The following TTC28 variants were observed in gnomAD, a reference collection of about 807,000 sequenced individuals.
TTC28 encodes the protein tetratricopeptide repeat protein 28.
In TTC28, 61 loss-of-function variants were observed where a neutral mutation model predicts 198.0. That is an observed-to-expected ratio of 0.31 (90% CI 0.25 to 0.38). The LOEUF (loss-of-function observed/expected upper bound fraction) is 0.38, where lower values mean the gene tolerates loss of function less well. Ranked by LOEUF, TTC28 falls within the 10% of genes least tolerant of loss-of-function variation. The pLI, the probability that TTC28 is intolerant of heterozygous loss-of-function variation, is 1.00. For missense variants in TTC28, 2,678 were observed against 3,164.0 expected (o/e 0.85, Z 3.69); for synonymous variants, 1,171 against 1,297.8 (o/e 0.90, Z 2.10).
intron 5 of TTC28, among the ~76,000 whole-genome samples, chr22:28,262,693 A>G (rs1234294896): frequency 6.6e-6 from 1 of 152,170 alleles, no homozygotes; most frequent in Non-Finnish European, 1.5e-5. Context: ...TAGGAGTAGG[A>G]TTGCTATTTG....
intron 2 of TTC28, among the ~76,000 whole-genome samples, chr22:28,345,235 C>A (rs542067153): frequency 6.6e-6 from 1 of 152,076 alleles, no homozygotes; most frequent in Admixed American, 6.6e-5. Context: ...TTTGGAACCA[C>A]AAAGGAATAT....
intron 2 of TTC28, among the ~76,000 whole-genome samples, chr22:28,527,086 G>C (rs2049017372): frequency 6.6e-6 from 1 of 152,030 alleles, no homozygotes; most frequent in Non-Finnish European, 1.5e-5. Context: ...TGTTGCACAG[G>C]GAATCAGTAG....
intron 15 of TTC28, 179 bp downstream of exon 15, chr22:28,001,195 T>C (rs2146547889): frequency 1.4e-6 from 1 of 723,758 alleles, no homozygotes; most frequent in East Asian, 2.8e-5. Context: ...ATGAGGGCCG[T>C]GCCCCACTTT....
At chr22:28,120,623 A>C (rs1043883989) in intron 6 of TTC28, among the ~76,000 whole-genome samples, 1 of 152,222 alleles carries the variant, frequency 6.6e-6, no homozygotes, top group Non-Finnish European at 1.5e-5. Flanking sequence ...TCATGCCTTC[A>C]GCCCAGGGAG....
chr22:28,608,862 T>A (rs2050775396), intron 2 of TTC28, among the ~76,000 whole-genome samples: 1 of 152,154 alleles, frequency 6.6e-6, no homozygotes, highest in African/African-American at 2.4e-5. Context: ...AATAGAGATT[T>A]TAAAGAGTTA....
intron 12 of TTC28, among the ~76,000 whole-genome samples, chr22:28,055,991 T>G (rs1940271768): frequency 6.6e-6 from 1 of 152,160 alleles, no homozygotes; most frequent in Admixed American, 6.6e-5. Flanking sequence ...TCTTTCTTAT[T>G]TTTCCATGAC....
chr22:28,282,462 A>G (rs988457613), intron 5 of TTC28, among the ~76,000 whole-genome samples: 6 of 152,330 alleles, frequency 3.9e-5, no homozygotes, highest in African/African-American at 1.4e-4. Context: ...GAATATGGCC[A>G]CTACTAGCCA....
At chr22:28,392,770 A>G (rs888258898) in intron 2 of TTC28, among the ~76,000 whole-genome samples, 7 of 150,378 alleles carry the variant, frequency 4.7e-5, no homozygotes, top group Admixed American at 2.6e-4. Flanking sequence ...TGAACCCGGT[A>G]CCTCAGATGG....
intron 6 of TTC28, among the ~76,000 whole-genome samples, chr22:28,124,853 T>G (rs907088436): frequency 6.6e-6 from 1 of 152,268 alleles, no homozygotes; most frequent in Non-Finnish European, 1.5e-5. Flanking sequence ...TAGAGGTAAT[T>G]TTTTAGGACA....
At chr22:28,442,025 C>T (rs6005783) in intron 2 of TTC28, among the ~76,000 whole-genome samples, 6,156 of 152,194 alleles carry the variant, frequency 0.04, 149 homozygotes, top group African/African-American at 0.058. Context: ...AGCTGTCTTT[C>T]TCCCTCGACG....
intron 6 of TTC28, among the ~76,000 whole-genome samples, chr22:28,132,732 G>A (rs571927412): frequency 1.3e-3 from 205 of 152,202 alleles, no homozygotes; most frequent in African/African-American, 4.6e-3. Flanking sequence ...CAGCAAATAC[G>A]ACTGTACCAA....
At chr22:28,605,969 A>C (rs1263141850) in intron 2 of TTC28, among the ~76,000 whole-genome samples, 11 of 152,216 alleles carry the variant, frequency 7.2e-5, no homozygotes, top group Admixed American at 7.2e-4. Context: ...CCAAAAAAGA[A>C]ATACAAATTT....
intron 2 of TTC28, among the ~76,000 whole-genome samples, chr22:28,501,908 G>A (rs767821746): frequency 6.6e-6 from 1 of 152,122 alleles, no homozygotes; most frequent in African/African-American, 2.4e-5. Flanking sequence ...CTTTTGATGC[G>A]AAGAATTTTT....
chr22:28,145,296 C>T (rs1601381110), intron 6 of TTC28, among the ~76,000 whole-genome samples: 1 of 152,016 alleles, frequency 6.6e-6, no homozygotes, highest in African/African-American at 2.4e-5. Context: ...AACTGAGGCC[C>T]AGGAAAGTAA....
chr22:28,039,508 C>T (rs1271140447), intron 12 of TTC28, among the ~76,000 whole-genome samples: 3 of 64,752 alleles, frequency 4.6e-5, no homozygotes, highest in Non-Finnish European at 8.2e-5. Context: ...CATCACAACC[C>T]GGGGTCTGTT....
intron 1 of TTC28, among the ~76,000 whole-genome samples, chr22:28,670,412 T>C (rs1331525089): frequency 6.6e-6 from 1 of 152,130 alleles, no homozygotes; most frequent in African/African-American, 2.4e-5. Context: ...CTTAACTATT[T>C]CACATAAATA....
In TTC28 at chr22:28,569,715, C is replaced by G. The variant is rs540139992; in HGVS notation, c.381+59837G>C. ...AAAGCAAAAAATTGGCAAGTGGGACCTAATTAAACTAAGGAGCTTCTGCAC... is the reference window on the plus strand; with the variant it reads ...AAAGCAAAAAATTGGCAAGTGGGACGTAATTAAACTAAGGAGCTTCTGCAC... On this transcript the variant is annotated intron_variant, in intron 2 of 22. Coordinates refer to ENST00000397906, the MANE Select transcript of TTC28 (RefSeq NM_001145418.2). 2.7e-4 allele frequency among the ~76,000 whole-genome samples: 41 copies of G among 152,176 alleles called. No homozygotes were observed. In the South Asian group the frequency reaches 8.3e-3, roughly 31 times the overall value.
intron 2 of TTC28, among the ~76,000 whole-genome samples, chr22:28,474,828 A>G (rs1404811719): frequency 6.6e-6 from 1 of 152,204 alleles, no homozygotes; most frequent in Non-Finnish European, 1.5e-5. Flanking sequence ...AGTAAGAATG[A>G]CAGATGTTTT....
chr22:28,018,379 G>C (rs1011781991), intron 13 of TTC28, among the ~76,000 whole-genome samples: 1 of 151,862 alleles, frequency 6.6e-6, no homozygotes, highest in Non-Finnish European at 1.5e-5. Context: ...GAAATAGTTG[G>C]TAATTATGAA....
Sources: allele counts gnomAD v4.1 joint callset (sites outside exome capture counted in the v4.1 genomes callset), GRCh38; gene constraint gnomAD v4.1.1; transcripts MANE v1.5; gene names NCBI Gene and HGNC (gene_info 2026-07-23, HGNC 2026-07-21).